PCDHGB4: variants seen among roughly 807,000 people sequenced by gnomAD.
The protein encoded by PCDHGB4 is protocadherin gamma subfamily B, 4.
Under a neutral mutation model 60.5 loss-of-function variants are expected in PCDHGB4, and 38 were observed. That is an observed-to-expected ratio of 0.63 (90% CI 0.48 to 0.82). PCDHGB4 has a LOEUF of 0.82. Ranked by LOEUF, PCDHGB4 falls within the 40% of genes least tolerant of loss-of-function variation. PCDHGB4 has a pLI of 0.00. For synonymous variants in PCDHGB4, 456 were observed against 509.7 expected, an observed-to-expected ratio of 0.89 and a Z score of 1.42; for missense variants, 1,109 against 1,209.6, an observed-to-expected ratio of 0.92 and a Z score of 1.23.
In PCDHGB4 at chr5:141,493,145, AG is replaced by A. The variant is rs11350413; in HGVS notation, c.2398-1660del. Among the ~76,000 whole-genome samples the A allele has an allele frequency of 0.17, 26,475 of 152,128 alleles. 2,528 individuals carry two copies. The highest frequency in any genetic ancestry group is 0.28 in the Admixed American group (4,206 of 15,272). ...TAGGACTGTATTTTGAAACACCCCC[AG>A]GTGATTTTGATAGCTGATTGAGAGA... is the stretch of plus-strand genomic sequence containing the variant. On this transcript the variant is annotated intron_variant, in intron 1 of 3. Transcript: ENST00000519479. The surrounding 1 kb of genome is among the most constrained non-coding windows in gnomAD (Gnocchi z 4.3).
chr5:141,476,551 C>A lies in PCDHGB4; in HGVS notation c.2398-18256C>A, dbSNP rs367700651. 6.2e-7 allele frequency: 1 copy of A among 1,614,196 alleles called. No individual in the cohort carries two copies. The highest frequency in any genetic ancestry group is 1.7e-5 in the Admixed American group (1 of 60,028). ...CCCAGGAAATGAAATTGGAGATTAG[C>A]GAGGCCGTGGCTCCGGGGACGCGCT... On this transcript the variant is annotated intron_variant, in intron 1 of 3. Transcript: ENST00000519479. This position sits in a 1 kb window ranked among gnomAD's most constrained non-coding sequence, Gnocchi z 7.6.
At chr5:141,508,760 T>A (rs1004267844) in intron 3 of PCDHGB4, among the ~76,000 whole-genome samples, 17 of 151,522 alleles carry the variant, frequency 1.1e-4, no homozygotes, top group Admixed American at 1.1e-3. Flanking sequence ...CTCTGGCGCC[T>A]CTGAGGTCCC....
chr5:141,475,162 G>T (rs949339969), intron 1 of PCDHGB4, among the ~76,000 whole-genome samples: 2 of 152,034 alleles, frequency 1.3e-5, no homozygotes, highest in South Asian at 4.1e-4. Flanking sequence ...TTCTTCATTA[G>T]CAGTGCAACT....
chr5:141,482,611 G>C (rs1016481108), intron 1 of PCDHGB4, among the ~76,000 whole-genome samples: 4 of 150,398 alleles, frequency 2.7e-5, no homozygotes, highest in Non-Finnish European at 5.9e-5. Context: ...ACACCTAAAT[G>C]AGCCTGGAGA....
intron 1 of PCDHGB4, chr5:141,407,886 A>G (rs1390921977): frequency 2.6e-6 from 1 of 384,594 alleles, no homozygotes; most frequent in Non-Finnish European, 4.6e-6. Context: ...CATTTCGGAG[A>G]CCGAATTCAA....
At chr5:141,415,736 TA>T in intron 1 of PCDHGB4, 1 of 1,289,980 alleles carries the variant, frequency 7.8e-7, no homozygotes, top group South Asian at 1.8e-5. Context: ...TGATGTTTAT[TA>T]AGGTTTTTTT....
chr5:141,426,909 G>A (rs1293364217), intron 1 of PCDHGB4: 1 of 456,744 alleles, frequency 2.2e-6, no homozygotes, highest in Non-Finnish European at 4.4e-6. Flanking sequence ...TCATCTCCTG[G>A]TCCTGGAAGC....
intron 2 of PCDHGB4, among the ~76,000 whole-genome samples, chr5:141,502,478 A>G (rs2099814452): frequency 6.6e-6 from 1 of 150,896 alleles, no homozygotes; most frequent in Non-Finnish European, 1.5e-5. Flanking sequence ...CCGCAGCATC[A>G]CACTGGGACT....
intron 1 of PCDHGB4, chr5:141,411,407 A>G (rs2154543610): frequency 6.6e-6 from 1 of 151,868 alleles, no homozygotes; most frequent in East Asian, 1.9e-4. Context: ...CCCCATCTCT[A>G]CTAAAACAAC....
At chr5:141,467,214 G>A (rs1333148694) in intron 1 of PCDHGB4, among the ~76,000 whole-genome samples, 1 of 151,856 alleles carries the variant, frequency 6.6e-6, no homozygotes, top group Admixed American at 6.6e-5. Context: ...CACCATGCCT[G>A]GCTAATTTTT....
In PCDHGB4 at chr5:141,490,601, T is replaced by C. The variant is rs777393370; in HGVS notation, c.2398-4206T>C. 1 of 1,614,176 alleles carries C rather than the reference T, an allele frequency of 6.2e-7. No homozygotes were observed. The highest frequency in any genetic ancestry group is 8.5e-7 in the Non-Finnish European group (1 of 1,180,030). ...GATGTCAATGACAATGCACCCCGCTTCAACCAGCAGCTTTACACTGCTTAC... is the reference window on the plus strand; with the variant it reads ...GATGTCAATGACAATGCACCCCGCTCCAACCAGCAGCTTTACACTGCTTAC... On this transcript the variant is annotated intron_variant, in intron 1 of 3. Transcript: ENST00000519479. This position sits in a 1 kb window ranked among gnomAD's most constrained non-coding sequence, Gnocchi z 5.4.
chr5:141,456,157 A>G (rs1307977690), intron 1 of PCDHGB4, among the ~76,000 whole-genome samples: 3 of 152,052 alleles, frequency 2.0e-5, no homozygotes, highest in Admixed American at 1.3e-4. Context: ...TCGGCCTCCT[A>G]AAGTGCTGGG....
In PCDHGB4 at chr5:141,494,634, T is replaced by C. The variant is rs917243803; in HGVS notation, c.2398-173T>C. The C allele has an allele frequency of 1.1e-5, 10 of 889,216 alleles. No individual in the cohort carries two copies. In the African/African-American group the frequency reaches 1.8e-4, roughly 16 times the overall value. 55.1% of individuals were successfully genotyped at this position (889,216 alleles called of 1,614,324 possible). A position where few individuals can be genotyped will look rare whatever the true frequency, so the allele number is the denominator to read the frequency against. On this transcript the variant is annotated intron_variant, in intron 1 of 3. Coordinates refer to ENST00000519479, the MANE Select transcript of PCDHGB4 (RefSeq NM_003736.4). ...CTTGGTTTCTGGTACCTCAGACCTC[T>C]GAGACCTGAGGTGTATTTTGTCTTT...
intron 1 of PCDHGB4, chr5:141,409,193 T>C (rs1268258873): frequency 2.5e-6 from 4 of 1,613,870 alleles, no homozygotes; most frequent in Admixed American, 1.7e-5. Flanking sequence ...CTCTACCCAG[T>C]GTAAAGTAAT....
At chr5:141,434,561 G>A (rs2097702856) in intron 1 of PCDHGB4, among the ~76,000 whole-genome samples, 1 of 152,188 alleles carries the variant, frequency 6.6e-6, no homozygotes, top group Non-Finnish European at 1.5e-5. Flanking sequence ...GTGCCTTAAG[G>A]ACATGCCCCT....
chr5:141,395,131 C>A, intron 1 of PCDHGB4: 12 of 1,614,202 alleles, frequency 7.4e-6, no homozygotes, highest in Non-Finnish European at 1.0e-5. Context: ...TTTCCCCAGC[C>A]CAACTACGCA....
At chr5:141,481,318 A>C (rs758947998) in intron 1 of PCDHGB4, among the ~76,000 whole-genome samples, 6 of 152,216 alleles carry the variant, frequency 3.9e-5, no homozygotes, top group Non-Finnish European at 8.8e-5. Context: ...TTCCTAAAGC[A>C]CTAGCCCCTG....
At chr5:141,423,384 C>G (rs1196881147) in intron 1 of PCDHGB4, 1 of 1,614,054 alleles carries the variant, frequency 6.2e-7, no homozygotes, top group Non-Finnish European at 8.5e-7. Context: ...GGCTGTGGCG[C>G]TGGCATAAGT....
rs769551114 is a variant in PCDHGB4, at chr5:141,402,989, T to A, written c.2397+12708T>A. On this transcript the variant is annotated intron_variant, in intron 1 of 3. Coordinates refer to ENST00000519479, the MANE Select transcript of PCDHGB4 (RefSeq NM_003736.4). ...AACCAAATGCCAGCTCCGCGGAAGA[T>A]TAGTCCTGCTATGCTCGCTCCTGGG... The A allele has an allele frequency of 2.5e-6, 4 of 1,611,874 alleles. No homozygotes were observed. Among genetic ancestry groups the A allele is most frequent in the Non-Finnish European group, 3.4e-6 (4 of 1,179,236 alleles).
Sources: gnomAD v4.1 joint callset for allele counts (sites outside exome capture counted in the v4.1 genomes callset) on GRCh38, gnomAD v4.1.1 for gene constraint, Gnocchi (gnomAD v3.1) non-coding constraint, MANE v1.5 for transcripts, NCBI Gene and HGNC (gene_info 2026-07-23, HGNC 2026-07-21) for gene names.